JPH2: variants seen among roughly 807,000 people sequenced by gnomAD.
The protein encoded by JPH2 is junctophilin-2.
In JPH2, 38 loss-of-function variants were observed where a neutral mutation model predicts 55.9. That is an observed-to-expected ratio of 0.68 (90% CI 0.52 to 0.89). The LOEUF is 0.89. Among genes scored for constraint, JPH2 ranks in the 40% least tolerant of loss-of-function variants. The pLI, the probability that JPH2 is intolerant of heterozygous loss-of-function variation, is 0.00. For missense variants in JPH2, 964 were observed against 1,037.6 expected, an observed-to-expected ratio of 0.93 and a Z score of 0.97; for synonymous variants, 480 against 472.4, an observed-to-expected ratio of 1.02 and a Z score of -0.21.
chr20:44,125,886 G>A (rs1035980483), intron 2 of JPH2, among the ~76,000 whole-genome samples: 2 of 152,036 alleles, frequency 1.3e-5, no homozygotes, highest in African/African-American at 4.8e-5. Flanking sequence ...AACACAGGAA[G>A]TGCTACCTAA....
At chr20:44,149,051 G>A (rs1318404867) in intron 2 of JPH2, among the ~76,000 whole-genome samples, 1 of 146,934 alleles carries the variant, frequency 6.8e-6, no homozygotes, top group Non-Finnish European at 1.5e-5. Context: ...TGGCAACAGA[G>A]CAAGACTCCG....
intron 2 of JPH2, among the ~76,000 whole-genome samples, chr20:44,120,700 A>G (rs1229897982): frequency 6.6e-6 from 1 of 152,222 alleles, no homozygotes; most frequent in Admixed American, 6.5e-5. Context: ...CATGGACCAC[A>G]CAGAAAATAC....
In JPH2 at chr20:44,186,541, G is replaced by A; in HGVS notation, c.165C>T (p.Pro55=). 1.2e-6 allele frequency: 2 copies of A among 1,613,756 alleles called. No individual in the cohort carries two copies. The highest frequency in any genetic ancestry group is 1.1e-5 in the South Asian group (1 of 91,074). The change falls in exon 1 of 6, where the codon CCC becomes CCT. Residue 55 remains proline, a synonymous_variant. Transcript: ENST00000372980. ...GFEVAGVYTW[P]SGNTFEGYWS... is the part of the protein sequence containing the mutation. ...AGTATCCCTCAAAGGTGTTTCCGCT[G>A]GGCCAGGTGTAGACACCTGCCACCT...
chr20:44,149,453 G>T (rs2072515675), intron 2 of JPH2, among the ~76,000 whole-genome samples: 1 of 152,262 alleles, frequency 6.6e-6, no homozygotes, highest in Admixed American at 6.5e-5. Flanking sequence ...TCGTGTGTGT[G>T]TATGTGTGCA....
rs1242744306 is a variant in JPH2 at position 44,134,093 on chromosome 20, T to A, written c.1170-15470A>T. 5.2e-3 allele frequency among the ~76,000 whole-genome samples: 126 copies of A among 24,240 alleles called. 45 individuals carry two copies. The highest frequency in any genetic ancestry group is 0.017 in the East Asian group (12 of 702). The allele number at this position is 24,240 out of a possible 152,430, so 15.9% of individuals were successfully genotyped here. On this transcript the variant is annotated intron_variant, in intron 2 of 5. Coordinates refer to ENST00000372980, the MANE Select transcript of JPH2 (RefSeq NM_020433.5). Reference sequence around the variant, plus strand: ...TATAAATATATATTTATTATAAATATATATTTATTATAAATATATAAATAA... The same window carrying A: ...TATAAATATATATTTATTATAAATAAATATTTATTATAAATATATAAATAA...
At chr20:44,179,325 A>G (rs1407206187) in intron 1 of JPH2, among the ~76,000 whole-genome samples, 2 of 152,238 alleles carry the variant, frequency 1.3e-5, no homozygotes, top group East Asian at 3.8e-4. Flanking sequence ...ATTACAATGT[A>G]AAATACATAT....
In JPH2 at chr20:44,153,396, T is replaced by C. The variant is rs563318985; in HGVS notation, c.1169+6222A>G. On this transcript the variant is annotated intron_variant, in intron 2 of 5. Coordinates refer to ENST00000372980, the MANE Select transcript of JPH2 (RefSeq NM_020433.5). Reference sequence around the variant, plus strand: ...CAGTTTATAAGAGGCTGAAGCCAGATTCAAACCTAGGTCCATCCAATGCCA... The same window carrying C: ...CAGTTTATAAGAGGCTGAAGCCAGACTCAAACCTAGGTCCATCCAATGCCA... 4.6e-5 allele frequency among the ~76,000 whole-genome samples: 7 copies of C among 152,298 alleles called. No homozygotes were observed. In the East Asian group the frequency reaches 7.7e-4, roughly 17 times the overall value.
intron 2 of JPH2, among the ~76,000 whole-genome samples, chr20:44,129,569 AC>A (rs535967407): frequency 0.33 from 25,708 of 77,594 alleles, 2,819 homozygotes; most frequent in East Asian, 0.38. Context: ...AAAAAAAAAA[AC>A]AAAAAAAACA....
chr20:44,117,508 C>T (rs1362456920), intron 3 of JPH2, among the ~76,000 whole-genome samples: 1 of 152,236 alleles, frequency 6.6e-6, no homozygotes. Context: ...CCACCCAGCG[C>T]TATCTGGTAC....
At chr20:44,138,077 G>A (rs965988453) in intron 2 of JPH2, among the ~76,000 whole-genome samples, 4 of 149,450 alleles carry the variant, frequency 2.7e-5, no homozygotes, top group East Asian at 2.0e-4. Flanking sequence ...GTGCGATCTC[G>A]GCTCATTACA....
intron 1 of JPH2, among the ~76,000 whole-genome samples, chr20:44,184,296 C>G (rs902243757): frequency 5.3e-5 from 8 of 151,176 alleles, no homozygotes; most frequent in African/African-American, 1.7e-4. Context: ...TCTTCTTCTT[C>G]TTTTTTTCCA....
chr20:44,117,137 G>T (rs953717172), intron 3 of JPH2, among the ~76,000 whole-genome samples: 13 of 152,164 alleles, frequency 8.5e-5, no homozygotes, highest in African/African-American at 3.1e-4. Context: ...AAATTAGCTG[G>T]GCATGGTGGC....
intron 2 of JPH2, among the ~76,000 whole-genome samples, chr20:44,132,288 A>G (rs903116630): frequency 1.3e-5 from 2 of 151,760 alleles, no homozygotes; most frequent in African/African-American, 4.8e-5. Flanking sequence ...ATTTATGGAA[A>G]GATAGGTAAG....
intron 2 of JPH2, among the ~76,000 whole-genome samples, chr20:44,148,587 G>A (rs942057978): frequency 2.0e-5 from 3 of 152,222 alleles, no homozygotes; most frequent in African/African-American, 7.2e-5. Flanking sequence ...TGTGTTGGGC[G>A]AAGGCGACCC....
At chr20:44,181,749 C>T (rs566105972) in intron 1 of JPH2, among the ~76,000 whole-genome samples, 72 of 152,268 alleles carry the variant, frequency 4.7e-4, no homozygotes, top group African/African-American at 1.6e-3. Context: ...GCACATATGT[C>T]GGGGCTTGGC....
intron 2 of JPH2, among the ~76,000 whole-genome samples, chr20:44,157,770 C>T (rs78645107): frequency 0.021 from 3,144 of 152,296 alleles, 51 homozygotes; most frequent in Middle Eastern, 0.048. Flanking sequence ...AATGGCAAGG[C>T]CAGGATTTGG....
Position 44,160,269 on chromosome 20 carries a change from C to T in JPH2, c.518G>A (p.Gly173Asp). The change falls in exon 2 of 6, where the codon GGC (glycine) becomes GAC (aspartate). Residue 173 changes from glycine to aspartate, a missense_variant. Coordinates refer to ENST00000372980, the MANE Select transcript of JPH2 (RefSeq NM_020433.5). This position sits in a 1 kb window ranked among gnomAD's most constrained non-coding sequence, Gnocchi z 4.9. ...LSSLRSEHSN[G>D]TVAPDSPASP... ...GGCGGGAGAGTCCGGGGCCACCGTG[C>T]CGTTGCTGTGCTCGCTGCGCAGGGA... 6.5e-7 allele frequency: 1 copy of T among 1,533,120 alleles called. No homozygotes were observed. Among genetic ancestry groups the T allele is most frequent in the East Asian group, 2.5e-5 (1 of 40,666 alleles). 95.0% of individuals were successfully genotyped at this position (1,533,120 alleles called of 1,614,324 possible).
intron 2 of JPH2, among the ~76,000 whole-genome samples, chr20:44,156,399 AG>A (rs1241348145): frequency 2.0e-5 from 3 of 152,238 alleles, no homozygotes; most frequent in Non-Finnish European, 4.4e-5. Context: ...TTTTACTCAC[AG>A]AAGTGTTCAG....
chr20:44,124,702 G>A (rs2072263518), intron 2 of JPH2, among the ~76,000 whole-genome samples: 1 of 151,908 alleles, frequency 6.6e-6, no homozygotes, highest in Non-Finnish European at 1.5e-5. Flanking sequence ...CCCTTGCAGA[G>A]GTTACATTCC....
Sources: allele counts gnomAD v4.1 joint callset (sites outside exome capture counted in the v4.1 genomes callset), GRCh38; gene constraint gnomAD v4.1.1; non-coding constraint Gnocchi (gnomAD v3.1); transcripts MANE v1.5; gene names NCBI Gene and HGNC (gene_info 2026-07-23, HGNC 2026-07-21).